The following DPYSL5 variants were observed in gnomAD, a reference collection of about 807,000 sequenced individuals.
DPYSL5 encodes the protein dihydropyrimidinase-related protein 5.
In DPYSL5, 9 loss-of-function variants were observed where a neutral mutation model predicts 58.4. The ratio of observed to expected loss-of-function variants is 0.15; its 90% CI spans 0.09 to 0.27. The LOEUF (loss-of-function observed/expected upper bound fraction) is 0.27, where lower values mean the gene tolerates loss of function less well. Ranked by LOEUF, DPYSL5 falls within the 10% of genes least tolerant of loss-of-function variation. The pLI is 1.00. For synonymous variants in DPYSL5, 293 were observed against 301.9 expected (o/e 0.97, Z 0.31); for missense variants, 499 against 770.6 (o/e 0.65, Z 4.17).
At chr2:26,932,962 G>A (rs1002473217) in intron 6 of DPYSL5, among the ~76,000 whole-genome samples, 4 of 152,214 alleles carry the variant, frequency 2.6e-5, no homozygotes, top group African/African-American at 9.6e-5. Context: ...AGTCATGGTT[G>A]TCAGATGGGA....
intron 1 of DPYSL5, among the ~76,000 whole-genome samples, chr2:26,880,954 A>G (rs1336767749): frequency 6.6e-6 from 1 of 152,166 alleles, no homozygotes; most frequent in Non-Finnish European, 1.5e-5. Flanking sequence ...ATTCCAACCC[A>G]CAGTTTTCTC....
In DPYSL5 at chr2:26,944,607, C is replaced by T. The variant is rs1218766074; in HGVS notation, c.1441-49C>T. 6 of 1,593,408 alleles carry T rather than the reference C, an allele frequency of 3.8e-6. No homozygotes were observed. The highest frequency in any genetic ancestry group is 1.1e-5 in the South Asian group (1 of 87,684). Reference sequence around the variant, plus strand: ...GGGAGGCCATGGTTGTATCACTCAGCTCTGATGGTGTTGTCCTGTTCTTCT... The same window carrying T: ...GGGAGGCCATGGTTGTATCACTCAGTTCTGATGGTGTTGTCCTGTTCTTCT... On this transcript the variant is annotated intron_variant, in intron 11 of 12. Transcript: ENST00000288699. This position sits in a 1 kb window ranked among gnomAD's most constrained non-coding sequence, Gnocchi z 4.4.
At chr2:26,904,090 G>T (rs1274201452) in intron 2 of DPYSL5, among the ~76,000 whole-genome samples, 2 of 152,220 alleles carry the variant, frequency 1.3e-5, no homozygotes, top group Admixed American at 6.5e-5. Context: ...TGCAGCATGG[G>T]ATCGGCCTAG....
intron 1 of DPYSL5, among the ~76,000 whole-genome samples, chr2:26,884,534 A>T (rs1277416661): frequency 4.6e-5 from 7 of 151,876 alleles, no homozygotes; most frequent in South Asian, 4.2e-4. Context: ...ACACACACAC[A>T]CACACACACA....
intron 1 of DPYSL5, among the ~76,000 whole-genome samples, chr2:26,868,652 C>T (rs1663175837): frequency 6.6e-6 from 1 of 152,154 alleles, no homozygotes; most frequent in South Asian, 2.1e-4. Context: ...TGCTACCAAG[C>T]ACTCTATTCT....
Position 26,947,106 on chromosome 2 carries a change from G to T in DPYSL5, c.*111G>T. 1 of 887,342 alleles carries T rather than the reference G, an allele frequency of 1.1e-6. No individual in the cohort carries two copies. Among genetic ancestry groups the T allele is most frequent in the Non-Finnish European group, 1.8e-6 (1 of 566,546 alleles). 55.0% of individuals were successfully genotyped at this position (887,342 alleles called of 1,614,324 possible). ...TGGGCTGGGTGGCACACCACCCGAG[G>T]GGGGCCCCGGGACCCACGGAGCCCT... On this transcript the variant is annotated 3_prime_UTR_variant, in exon 13 of 13. Coordinates refer to ENST00000288699, the MANE Select transcript of DPYSL5 (RefSeq NM_020134.4). This position sits in a 1 kb window ranked among gnomAD's most constrained non-coding sequence, Gnocchi z 4.2.
chr2:26,928,332 C>T lies in DPYSL5; in HGVS notation c.669+9C>T. The T allele has an allele frequency of 1.2e-6, 2 of 1,613,684 alleles. No homozygotes were observed. The highest frequency in any genetic ancestry group is 1.7e-6 in the Non-Finnish European group (2 of 1,179,800). On this transcript the variant is annotated intron_variant, in intron 5 of 12. Coordinates refer to ENST00000288699, the MANE Select transcript of DPYSL5 (RefSeq NM_020134.4). ...TCAGCCGTCCAGAGGAGGTGAGAAA[C>T]ACTTCCTGTAGCCTTTGTCAGCGTC... is the stretch of plus-strand genomic sequence containing the variant.
At chr2:26,922,451 G>GT (rs530619512) in intron 2 of DPYSL5, among the ~76,000 whole-genome samples, 29 of 152,334 alleles carry the variant, frequency 1.9e-4, no homozygotes, top group Middle Eastern at 3.4e-3. Flanking sequence ...CTGTGTAATG[G>GT]TTTTTTAGCT....
intron 2 of DPYSL5, among the ~76,000 whole-genome samples, chr2:26,907,682 G>A (rs1006578920): frequency 5.9e-5 from 9 of 152,070 alleles, no homozygotes; most frequent in Non-Finnish European, 7.4e-5. Flanking sequence ...CTCCACCCCT[G>A]CACAGAGCCC....
At chr2:26,896,264 C>A (rs1313269468) in intron 1 of DPYSL5, among the ~76,000 whole-genome samples, 1 of 152,124 alleles carries the variant, frequency 6.6e-6, no homozygotes, top group Non-Finnish European at 1.5e-5. Flanking sequence ...TGTGTATATA[C>A]ATCTTTTTCA....
rs760965312 is a variant in DPYSL5 at position 26,898,523 on chromosome 2, G to A, written c.24G>A (p.Val8=). The part of the protein sequence containing the change: MLANSAS[V]RILIKGGKVV... ...ACATGCTTGCCAACTCAGCCAGCGT[G>A]AGGATCCTCATCAAGGGAGGCAAGG... The change falls in exon 2 of 13, where the codon GTG becomes GTA. Residue 8 remains valine (V), a synonymous_variant. Transcript: ENST00000288699. This position sits in a 1 kb window ranked among gnomAD's most constrained non-coding sequence, Gnocchi z 6.1. The A allele has an allele frequency of 1.2e-6, 2 of 1,614,136 alleles. No homozygotes were observed. The highest frequency in any genetic ancestry group is 3.3e-5 in the Admixed American group (2 of 60,022).
intron 1 of DPYSL5, among the ~76,000 whole-genome samples, chr2:26,852,196 G>C (rs939603059): frequency 6.6e-6 from 1 of 152,200 alleles, no homozygotes; most frequent in Non-Finnish European, 1.5e-5. Flanking sequence ...TTGTCAACAT[G>C]AAGTCCTGTA....
chr2:26,913,504 A>G (rs572234450), intron 2 of DPYSL5, among the ~76,000 whole-genome samples: 2 of 152,286 alleles, frequency 1.3e-5, no homozygotes, highest in South Asian at 4.1e-4. Flanking sequence ...TTGCTTCTCC[A>G]TTCATCTGTC....
At chr2:26,851,759 A>G (rs1203885124) in intron 1 of DPYSL5, among the ~76,000 whole-genome samples, 2 of 152,184 alleles carry the variant, frequency 1.3e-5, no homozygotes, top group Admixed American at 1.3e-4. Context: ...CCTGGCCAAC[A>G]TGGTGAAACT....
At chr2:26,943,520 C>T (rs934710623) in intron 11 of DPYSL5, among the ~76,000 whole-genome samples, 1 of 152,190 alleles carries the variant, frequency 6.6e-6, no homozygotes, top group African/African-American at 2.4e-5. Flanking sequence ...GCCTCGGCCT[C>T]CTAAAGTGCT....
chr2:26,911,196 C>T (rs1664431895), intron 2 of DPYSL5, among the ~76,000 whole-genome samples: 1 of 150,612 alleles, frequency 6.6e-6, no homozygotes, highest in South Asian at 2.1e-4. Context: ...TTTGTGGACT[C>T]TTCTCTTCTT....
At chr2:26,869,166 T>C (rs368368328) in intron 1 of DPYSL5, among the ~76,000 whole-genome samples, 7 of 152,214 alleles carry the variant, frequency 4.6e-5, no homozygotes, top group African/African-American at 1.7e-4. Flanking sequence ...GGTTTCACCA[T>C]GTTGCCCAGG....
At chr2:26,946,356 TGGGCTCTCCG>T (rs1405272675) in intron 12 of DPYSL5, among the ~76,000 whole-genome samples, 1 of 151,884 alleles carries the variant, frequency 6.6e-6, no homozygotes, top group African/African-American at 2.4e-5. Flanking sequence ...AATGTCCCAC[TGGGCTCTCCG>T]GGGCACTAGA....
chr2:26,917,264 T>C (rs1664587379), intron 2 of DPYSL5, among the ~76,000 whole-genome samples: 1 of 152,152 alleles, frequency 6.6e-6, no homozygotes, highest in South Asian at 2.1e-4. Context: ...CTGGATGATG[T>C]GGTAAAGGCT....
Sources: gnomAD v4.1 joint callset for allele counts (sites outside exome capture counted in the v4.1 genomes callset) on GRCh38, gnomAD v4.1.1 for gene constraint, Gnocchi (gnomAD v3.1) non-coding constraint, MANE v1.5 for transcripts, NCBI Gene and HGNC (gene_info 2026-07-23, HGNC 2026-07-21) for gene names.